The following AUTS2 variants were observed in gnomAD, a reference collection of about 807,000 sequenced individuals.
AUTS2 encodes the protein activator of transcription and developmental regulator AUTS2.
Under a neutral mutation model 112.4 loss-of-function variants are expected in AUTS2, and 17 were observed. That is an observed-to-expected ratio of 0.15 (90% CI 0.10 to 0.23). AUTS2 has a LOEUF of 0.23. Among genes scored for constraint, AUTS2 ranks in the 10% least tolerant of loss-of-function variants. The pLI, the probability that AUTS2 is intolerant of heterozygous loss-of-function variation, is 1.00. For synonymous variants in AUTS2, 751 were observed against 702.7 expected (o/e 1.07, Z -1.09); for missense variants, 1,510 against 1,701.6 (o/e 0.89, Z 1.98).
chr7:70,435,832 C>T, intron 5 of AUTS2, 51 bp downstream of exon 5: 1 of 1,580,592 alleles, frequency 6.3e-7, no homozygotes, highest in Non-Finnish European at 8.7e-7. Flanking sequence ...ACACTGAACA[C>T]CAGAGTCCTC....
intron 1 of AUTS2, among the ~76,000 whole-genome samples, chr7:69,679,683 G>T (rs1468885036): frequency 1.3e-5 from 2 of 152,202 alleles, no homozygotes; most frequent in African/African-American, 4.8e-5. Flanking sequence ...AGAGAAGACT[G>T]TGTGTACTTT....
intron 1 of AUTS2, among the ~76,000 whole-genome samples, chr7:69,898,777 G>T (rs1197801739): frequency 2.0e-5 from 3 of 152,150 alleles, no homozygotes; most frequent in Admixed American, 2.0e-4. Flanking sequence ...AAAATATAAT[G>T]CATTAAGGAA....
intron 5 of AUTS2, among the ~76,000 whole-genome samples, chr7:70,460,846 T>A (rs1184327626): frequency 6.6e-6 from 1 of 152,196 alleles, no homozygotes; most frequent in Non-Finnish European, 1.5e-5. Context: ...AATGCCTGCA[T>A]GGTGCCTTGC....
chr7:70,162,929 G>C (rs1392205967), intron 4 of AUTS2, among the ~76,000 whole-genome samples: 4 of 152,134 alleles, frequency 2.6e-5, no homozygotes, highest in African/African-American at 9.7e-5. Flanking sequence ...ATAATTTCAT[G>C]ATACTGAATT....
chr7:70,084,084 A>T (rs1053177174), intron 2 of AUTS2, among the ~76,000 whole-genome samples: 2 of 152,194 alleles, frequency 1.3e-5, no homozygotes, highest in African/African-American at 4.8e-5. Context: ...AAACAAAAAA[A>T]ACAAAAAACA....
At chr7:69,739,099 G>A (rs534052551) in intron 1 of AUTS2, among the ~76,000 whole-genome samples, 1 of 152,102 alleles carries the variant, frequency 6.6e-6, no homozygotes, top group South Asian at 2.1e-4. Flanking sequence ...TAAAGAAAAG[G>A]AATAGGATAT....
intron 4 of AUTS2, among the ~76,000 whole-genome samples, chr7:70,338,851 T>TATTTATTTA (rs1427268797): frequency 6.7e-6 from 1 of 148,548 alleles, no homozygotes; most frequent in Non-Finnish European, 1.5e-5. Flanking sequence ...TTTATTTATT[T>TATTTATTTA]ATTTATTTAT....
Position 70,790,126 on chromosome 7 carries a change from C to T in AUTS2, c.2910C>T (p.Ala970=). Residue 970 remains alanine (A), a synonymous_variant, in exon 19 of 19, where the codon GCC becomes GCT. Transcript: ENST00000342771. The surrounding 1 kb of genome is among the most constrained non-coding windows in gnomAD (Gnocchi z 7.6). ...REAEPRKGEP[A]YENPKKSSEV... The stretch of plus-strand genomic sequence containing the variant: ...CCGAGCCGCGCAAGGGTGAGCCGGC[C>T]TACGAGAACCCCAAGAAGAGCTCCG... 6.2e-7 allele frequency: 1 copy of T among 1,601,742 alleles called. No individual in the cohort carries two copies. The highest frequency in any genetic ancestry group is 8.5e-7 in the Non-Finnish European group (1 of 1,175,242).
At chr7:70,049,532 G>A (rs1367449409) in intron 2 of AUTS2, among the ~76,000 whole-genome samples, 6 of 151,990 alleles carry the variant, frequency 3.9e-5, no homozygotes, top group East Asian at 1.9e-4. Context: ...GTTTCACTAT[G>A]TTGGTCAGGC....
chr7:70,087,552 G>A (rs1803676147), intron 2 of AUTS2, among the ~76,000 whole-genome samples: 1 of 151,730 alleles, frequency 6.6e-6, no homozygotes, highest in Admixed American at 6.6e-5. Context: ...TGTGTTTTTA[G>A]TAGAGATGGG....
intron 5 of AUTS2, among the ~76,000 whole-genome samples, chr7:70,624,905 T>C (rs1166071608): frequency 6.6e-6 from 1 of 152,152 alleles, no homozygotes; most frequent in African/African-American, 2.4e-5. Flanking sequence ...CATAGGTTTT[T>C]TTCTCTGCCA....
At chr7:69,735,063 G>T (rs1179891690) in intron 1 of AUTS2, among the ~76,000 whole-genome samples, 1 of 152,140 alleles carries the variant, frequency 6.6e-6, no homozygotes, top group Admixed American at 6.6e-5. Context: ...GAAGCTCCAG[G>T]ATTCTGTATA....
chr7:69,698,688 C>T (rs894467111), intron 1 of AUTS2, among the ~76,000 whole-genome samples: 12 of 152,098 alleles, frequency 7.9e-5, no homozygotes, highest in East Asian at 1.9e-4. Context: ...AATGTGTTGC[C>T]GAGTCAATTT....
chr7:70,143,615 T>C (rs1482990709), intron 4 of AUTS2, among the ~76,000 whole-genome samples: 1 of 152,222 alleles, frequency 6.6e-6, no homozygotes, highest in African/African-American at 2.4e-5. Flanking sequence ...TCTGAAATCT[T>C]TGGTGTCTAG....
chr7:69,722,162 A>AT (rs1233492258), intron 1 of AUTS2, among the ~76,000 whole-genome samples: 5 of 152,044 alleles, frequency 3.3e-5, no homozygotes, highest in African/African-American at 4.8e-5. Flanking sequence ...AAAAAAAAAA[A>AT]AAATAAAAAG....
chr7:69,973,588 C>G lies in AUTS2; in HGVS notation c.522+74090C>G, dbSNP rs567949273. On this transcript the variant is annotated intron_variant, in intron 2 of 18. Coordinates refer to ENST00000342771, the MANE Select transcript of AUTS2 (RefSeq NM_015570.4). ...TAGGATTTTTCTCTATGTTCTTTAT[C>G]AAATTGAAGTAGTTCCTTTCTATTC... Among the ~76,000 whole-genome samples the G allele has an allele frequency of 2.6e-5, 4 of 152,188 alleles. No homozygotes were observed. In the South Asian group the frequency reaches 8.3e-4, roughly 32 times the overall value.
chr7:70,628,150 C>G (rs999603718), intron 5 of AUTS2, among the ~76,000 whole-genome samples: 6 of 151,906 alleles, frequency 3.9e-5, no homozygotes, highest in African/African-American at 1.5e-4. Context: ...GCCATGCGGG[C>G]AATGTTGAGA....
intron 1 of AUTS2, among the ~76,000 whole-genome samples, chr7:69,675,573 G>A (rs1584050807): frequency 6.7e-6 from 1 of 148,240 alleles, no homozygotes; most frequent in African/African-American, 2.5e-5. Context: ...CAGTGGTGTG[G>A]TCTCATCTCT....
chr7:70,778,226 T>C (rs73704811), intron 14 of AUTS2, among the ~76,000 whole-genome samples: 2,427 of 152,326 alleles, frequency 0.016, 69 homozygotes, highest in African/African-American at 0.055. Context: ...CTGACAAGTC[T>C]GTATTTTACA....
Sources: gnomAD v4.1 joint callset for allele counts (sites outside exome capture counted in the v4.1 genomes callset) on GRCh38, gnomAD v4.1.1 for gene constraint, Gnocchi (gnomAD v3.1) non-coding constraint, MANE v1.5 for transcripts, NCBI Gene and HGNC (gene_info 2026-07-23, HGNC 2026-07-21) for gene names.